KCNT2: variants seen among roughly 807,000 people sequenced by gnomAD.
The protein encoded by KCNT2 is potassium sodium-activated channel subfamily T member 2.
KCNT2 carries 67 observed loss-of-function variants against 153.8 expected under a neutral mutation model. The observed-to-expected ratio is 0.44, with a 90% confidence interval of 0.36 to 0.53. KCNT2 has a LOEUF of 0.53. KCNT2 is among the 20% of genes least tolerant of loss of function. The probability of loss-of-function intolerance (pLI) is 0.00; values close to 1 mark genes in which losing one functional copy is unlikely to be tolerated. For missense variants in KCNT2, 975 were observed against 1,354.8 expected, an observed-to-expected ratio of 0.72 and a Z score of 4.40; for synonymous variants, 500 against 458.8, an observed-to-expected ratio of 1.09 and a Z score of -1.15.
At chr1:196,290,337 A>G (rs150718141) in intron 22 of KCNT2, among the ~76,000 whole-genome samples, 1 of 151,828 alleles carries the variant, frequency 6.6e-6, no homozygotes, top group East Asian at 1.9e-4. Flanking sequence ...ATACTCTTGG[A>G]CCCCTTGCTC....
intron 26 of KCNT2, among the ~76,000 whole-genome samples, chr1:196,241,775 T>G (rs2102260557): frequency 6.6e-6 from 1 of 152,224 alleles, no homozygotes; most frequent in East Asian, 1.9e-4. Context: ...ATAAAACTAA[T>G]TACTTGATAC....
At chr1:196,366,099 T>C (rs1316966122) in intron 14 of KCNT2, among the ~76,000 whole-genome samples, 6 of 152,082 alleles carry the variant, frequency 3.9e-5, no homozygotes, top group African/African-American at 1.4e-4. Flanking sequence ...TTTTACTACC[T>C]TTCTCTTCCT....
chr1:196,415,589 T>C (rs1672689651), intron 12 of KCNT2, among the ~76,000 whole-genome samples: 1 of 151,864 alleles, frequency 6.6e-6, no homozygotes, highest in Admixed American at 6.6e-5. Flanking sequence ...GATAAGAGCA[T>C]ATTAGGAATA....
intron 16 of KCNT2, among the ~76,000 whole-genome samples, chr1:196,336,300 C>T (rs537025523): frequency 6.6e-5 from 10 of 152,154 alleles, no homozygotes; most frequent in African/African-American, 2.4e-4. Flanking sequence ...ACTTGCTGCA[C>T]ATCATCTCTC....
At chr1:196,553,325 A>G (rs1436745861) in intron 1 of KCNT2, among the ~76,000 whole-genome samples, 2 of 151,274 alleles carry the variant, frequency 1.3e-5, no homozygotes, top group Non-Finnish European at 3.0e-5. Flanking sequence ...TAATGGGTCA[A>G]TTTAGCAAGA....
intron 1 of KCNT2, among the ~76,000 whole-genome samples, chr1:196,538,193 C>T (rs1655862585): frequency 6.6e-6 from 1 of 152,138 alleles, no homozygotes; most frequent in African/African-American, 2.4e-5. Flanking sequence ...TCACTGCCTC[C>T]TCCATGCAAA....
chr1:196,584,910 G>A (rs74784533), intron 1 of KCNT2, among the ~76,000 whole-genome samples: 2,193 of 152,068 alleles, frequency 0.014, 57 homozygotes, highest in African/African-American at 0.05. Context: ...TTGTTTGGGG[G>A]TGGGGTTTGC....
At chr1:196,454,344 A>T (rs1450391667) in intron 8 of KCNT2, among the ~76,000 whole-genome samples, 2 of 151,888 alleles carry the variant, frequency 1.3e-5, no homozygotes, top group Non-Finnish European at 2.9e-5. Context: ...ATAGTATCTA[A>T]CAGGTAGTTT....
At chr1:196,411,039 C>T (rs1672258756) in intron 12 of KCNT2, among the ~76,000 whole-genome samples, 1 of 137,390 alleles carries the variant, frequency 7.3e-6, no homozygotes, top group Admixed American at 7.3e-5. Context: ...ACCTTCCTCC[C>T]TCCCTCCCTC....
chr1:196,508,189 C>CA (rs10539910), intron 1 of KCNT2, among the ~76,000 whole-genome samples: 804 of 59,986 alleles, frequency 0.013, 21 homozygotes, highest in African/African-American at 0.051. Context: ...CCCTAAGTAG[C>CA]AAAAAAAAAA....
At chr1:196,397,765 G>A (rs1423256631) in intron 13 of KCNT2, among the ~76,000 whole-genome samples, 1 of 151,410 alleles carries the variant, frequency 6.6e-6, no homozygotes, top group African/African-American at 2.4e-5. Context: ...TTTAAGATAT[G>A]TAAACACATT....
At chr1:196,514,099 G>A (rs972390565) in intron 1 of KCNT2, among the ~76,000 whole-genome samples, 1 of 152,182 alleles carries the variant, frequency 6.6e-6, no homozygotes, top group Non-Finnish European at 1.5e-5. Flanking sequence ...AAAGCTGCCA[G>A]TAATGGCTTT....
chr1:196,419,333 C>G lies in KCNT2; in HGVS notation c.1185+3717G>C, dbSNP rs56255447. Among the ~76,000 whole-genome samples, 221 of 100,682 alleles carry G rather than the reference C, an allele frequency of 2.2e-3. 3 individuals are homozygous for G. Among genetic ancestry groups the G allele is most frequent in the African/African-American group, 7.9e-3 (207 of 26,048 alleles). 66.1% of individuals were successfully genotyped at this position (100,682 alleles called of 152,430 possible). A position where few individuals can be genotyped will look rare whatever the true frequency, so the allele number is the denominator to read the frequency against. ...TAATGCTATCCCTCCCCCCTCCCCC[C>G]TCCCCCCACCCCACAACAGTCCCCA... On this transcript the variant is annotated intron_variant, in intron 12 of 27. Coordinates refer to ENST00000294725, the MANE Select transcript of KCNT2 (RefSeq NM_198503.5).
At chr1:196,587,242 C>G (rs1248836785) in intron 1 of KCNT2, among the ~76,000 whole-genome samples, 1 of 151,968 alleles carries the variant, frequency 6.6e-6, no homozygotes, top group Non-Finnish European at 1.5e-5. Flanking sequence ...TAGCACTGAG[C>G]TAAGGAATTT....
rs575204984 is a variant in KCNT2 at position 196,449,401 on chromosome 1, A to G, written c.638+15892T>C. Among the ~76,000 whole-genome samples the G allele has an allele frequency of 2.0e-5, 3 of 151,846 alleles. No individual in the cohort carries two copies. In the East Asian group the frequency reaches 5.9e-4, roughly 30 times the overall value. ...ATGGGCTAACAGACAGGCTCTGTAA[A>G]AAGAATATTAAGTGTCCCAATGAAC... On this transcript the variant is annotated intron_variant, in intron 8 of 27. Transcript: ENST00000294725.
chr1:196,230,603 A>G (rs575514945), intron 27 of KCNT2, among the ~76,000 whole-genome samples: 1 of 152,058 alleles, frequency 6.6e-6, no homozygotes, highest in South Asian at 2.1e-4. Flanking sequence ...GTTGACTCCA[A>G]CCCTTATCGA....
At chr1:196,401,365 T>G (rs1369267254) in intron 12 of KCNT2, among the ~76,000 whole-genome samples, 3 of 151,772 alleles carry the variant, frequency 2.0e-5, no homozygotes, top group Admixed American at 6.6e-5. Context: ...AACAAAATGA[T>G]AACCAATAGA....
chr1:196,361,664 A>G (rs747886460), intron 14 of KCNT2, among the ~76,000 whole-genome samples: 4 of 152,062 alleles, frequency 2.6e-5, no homozygotes, highest in Non-Finnish European at 5.9e-5. Flanking sequence ...GAAAGTCACC[A>G]GGTAGCTGGT....
At chr1:196,468,854 T>C (rs1677836355) in intron 6 of KCNT2, 140 bp downstream of exon 6, 4 of 599,260 alleles carry the variant, frequency 6.7e-6, no homozygotes, top group Non-Finnish European at 1.2e-5. Flanking sequence ...CAATTTTATC[T>C]TGTTGCTTAG....
Sources: gnomAD v4.1 joint callset for allele counts (sites outside exome capture counted in the v4.1 genomes callset) on GRCh38, gnomAD v4.1.1 for gene constraint, MANE v1.5 for transcripts, NCBI Gene and HGNC (gene_info 2026-07-23, HGNC 2026-07-21) for gene names.